The following CFI variants were observed in gnomAD, a reference collection of about 807,000 sequenced individuals.
The protein encoded by CFI is complement factor I.
CFI carries 66 observed loss-of-function variants against 78.8 expected under a neutral mutation model. That is an observed-to-expected ratio of 0.84 (90% CI 0.69 to 1.03). CFI has a LOEUF of 1.03. Among genes scored for constraint, CFI ranks in the 50% least tolerant of loss-of-function variants. The pLI is 0.00. For synonymous variants in CFI, 250 were observed against 232.6 expected (o/e 1.07, Z -0.68); for missense variants, 706 against 704.5 (o/e 1.00, Z -0.02).
chr4:109,770,363 C>A (rs1438402181), intron 1 of CFI, among the ~76,000 whole-genome samples: 1 of 151,800 alleles, frequency 6.6e-6, no homozygotes, highest in Non-Finnish European at 1.5e-5. Context: ...AGTTTGAGAC[C>A]AACCTGGCTA....
At chr4:109,749,458 G>T in intron 9 of CFI, 41 bp downstream of exon 9, 1 of 1,548,534 alleles carries the variant, frequency 6.5e-7, no homozygotes, top group Non-Finnish European at 8.9e-7. Flanking sequence ...AATTTAGGCT[G>T]TTTCTGGGCA....
chr4:109,746,789 G>A (rs117373535), intron 10 of CFI, among the ~76,000 whole-genome samples: 1 of 152,260 alleles, frequency 6.6e-6, no homozygotes, highest in East Asian at 1.9e-4. Context: ...TGCTGCCTCT[G>A]GAGTGAGTGT....
At chr4:109,747,974 C>T (rs1359032189) in intron 10 of CFI, among the ~76,000 whole-genome samples, 2 of 152,084 alleles carry the variant, frequency 1.3e-5, no homozygotes, top group Admixed American at 6.6e-5. Flanking sequence ...TGGTAATGCT[C>T]GCCCACCACT....
intron 1 of CFI, among the ~76,000 whole-genome samples, chr4:109,777,186 TAA>T (rs1394291081): frequency 1.3e-5 from 2 of 152,230 alleles, no homozygotes; most frequent in South Asian, 2.1e-4. Context: ...GCAAATTGGA[TAA>T]AGAGTCAAGA....
At chr4:109,766,925 T>A in intron 1 of CFI, 101 bp from the exon 2 acceptor site, 1 of 1,154,834 alleles carries the variant, frequency 8.7e-7, no homozygotes, top group Non-Finnish European at 1.3e-6. Flanking sequence ...CAGCCCACAG[T>A]ACAGATGAGG....
At chr4:109,758,575 A>G (rs1488970650) in intron 6 of CFI, among the ~76,000 whole-genome samples, 3 of 152,202 alleles carry the variant, frequency 2.0e-5, no homozygotes, top group Non-Finnish European at 2.9e-5. Flanking sequence ...AATAAGTGCA[A>G]TAGGCATGAT....
At chr4:109,742,325 A>C in intron 12 of CFI, 166 bp downstream of exon 12, 1 of 645,560 alleles carries the variant, frequency 1.5e-6, no homozygotes. Flanking sequence ...AGAGGAAGAA[A>C]CCTGAGCTAC....
intron 4 of CFI, 140 bp from the exon 5 acceptor site, chr4:109,760,776 A>T: frequency 1.5e-6 from 1 of 679,260 alleles, no homozygotes; most frequent in Non-Finnish European, 2.7e-6. Context: ...TATTATCAAC[A>T]TAGTACATAT....
intron 2 of CFI, 93 bp downstream of exon 2, chr4:109,766,460 TA>T: frequency 6.8e-7 from 1 of 1,468,668 alleles, no homozygotes; most frequent in Non-Finnish European, 9.5e-7. Context: ...GTTGTCATCA[TA>T]ACATACACAA....
chr4:109,735,610 C>T, the CFI span, among the ~76,000 whole-genome samples: 1 of 152,202 alleles, frequency 6.6e-6, no homozygotes, highest in Non-Finnish European at 1.5e-5. Context: ...AAAACAGTTC[C>T]AGCCATAATG....
In CFI at chr4:109,749,404, C is replaced by T. The variant is rs192844705; in HGVS notation, c.1045-83G>A. 79 of 1,485,852 alleles carry T rather than the reference C, an allele frequency of 5.3e-5. No individual in the cohort carries two copies. The East Asian group carries it at 1.1e-3, about 20-fold the overall frequency. 92.0% of individuals were successfully genotyped at this position (1,485,852 alleles called of 1,614,324 possible). ...CTAAGATATTTCCATGGCAAGACTC[C>T]CAGTCTCTTATAATTACATCATCCT... On this transcript the variant is annotated intron_variant, in intron 9 of 12. Coordinates refer to ENST00000394634, the MANE Select transcript of CFI (RefSeq NM_000204.5).
chr4:109,746,733 T>C (rs986055292), intron 10 of CFI, among the ~76,000 whole-genome samples: 3 of 152,170 alleles, frequency 2.0e-5, no homozygotes, highest in Non-Finnish European at 4.4e-5. Flanking sequence ...ATGAGGAACA[T>C]AAAGAACACA....
intron 1 of CFI, among the ~76,000 whole-genome samples, chr4:109,790,947 C>T (rs1376329698): frequency 2.5e-4 from 38 of 152,106 alleles, no homozygotes; most frequent in Admixed American, 2.5e-3. Context: ...AATTTGTACT[C>T]CTTTAGGTAT....
Position 109,770,104 on chromosome 4 carries a change from A to AT in CFI, c.58-3281dup, listed in dbSNP as rs1481938972. Among the ~76,000 whole-genome samples, 16 of 152,256 alleles carry AT rather than the reference A, an allele frequency of 1.1e-4. No individual in the cohort carries two copies. In the East Asian group the frequency reaches 2.7e-3, roughly 26 times the overall value. The stretch of plus-strand genomic sequence containing the variant: ...CTGTTACATAAAATTACGGGAAGCC[A>AT]TTTTTTTAAACTGTACTCCTGCACC... On this transcript the variant is annotated intron_variant, in intron 1 of 12. Transcript: ENST00000394634.
intron 12 of CFI, chr4:109,741,381 A>G: frequency 1.0e-6 from 1 of 985,226 alleles, no homozygotes; most frequent in Non-Finnish European, 1.2e-6. Flanking sequence ...TGAGATTGCA[A>G]CCTGAAAGTT....
intron 3 of CFI, chr4:109,764,251 C>A: frequency 4.3e-6 from 2 of 463,164 alleles, no homozygotes; most frequent in East Asian, 4.3e-5. Flanking sequence ...TAATTGTAGA[C>A]GAGTAGGAGA....
intron 7 of CFI, among the ~76,000 whole-genome samples, chr4:109,756,951 AAGAAAGAAAG>A (rs1024272755): frequency 1.4e-5 from 2 of 147,684 alleles, no homozygotes; most frequent in Non-Finnish European, 3.0e-5. Flanking sequence ...GAAAGAAAGA[AAGAAAGAAAG>A]AAAGAAAGAA....
chr4:109,761,959 G>T, intron 3 of CFI: 5 of 420,050 alleles, frequency 1.2e-5, no homozygotes, highest in South Asian at 1.1e-4. Flanking sequence ...GGAGGCCAAG[G>T]AGGGTGGATT....
chr4:109,756,764 G>T (rs1472097301), intron 7 of CFI, among the ~76,000 whole-genome samples: 1 of 151,536 alleles, frequency 6.6e-6, no homozygotes, highest in African/African-American at 2.4e-5. Flanking sequence ...GGAGGTTGAG[G>T]CAGAGAATTG....
Sources: gnomAD v4.1 joint callset for allele counts (sites outside exome capture counted in the v4.1 genomes callset) on GRCh38, gnomAD v4.1.1 for gene constraint, MANE v1.5 for transcripts, NCBI Gene and HGNC (gene_info 2026-07-23, HGNC 2026-07-21) for gene names.